Variants in NCALD observed in about 807,000 individuals in gnomAD.
The protein encoded by NCALD is neurocalcin delta, also known as neurocalcin-delta.
In NCALD, 10 loss-of-function variants were observed where a neutral mutation model predicts 18.6. The observed-to-expected ratio is 0.54, with a 90% CI of 0.33 to 0.91. The LOEUF (loss-of-function observed/expected upper bound fraction) is 0.91, where lower values mean the gene tolerates loss of function less well. NCALD is among the 40% of genes least tolerant of loss of function. NCALD has a pLI of 0.03. For missense variants in NCALD, 184 were observed against 247.6 expected, an observed-to-expected ratio of 0.74 and a Z score of 1.72; for synonymous variants, 88 against 87.4, an observed-to-expected ratio of 1.01 and a Z score of -0.04.
At chr8:101,890,049 C>T (rs1816817106) in intron 3 of NCALD, among the ~76,000 whole-genome samples, 1 of 152,046 alleles carries the variant, frequency 6.6e-6, no homozygotes, top group Non-Finnish European at 1.5e-5. Flanking sequence ...TTGCATTCAT[C>T]CAAAGGTACA....
chr8:101,978,557 C>A (rs75713602), intron 2 of NCALD, among the ~76,000 whole-genome samples: 4,360 of 152,232 alleles, frequency 0.029, 197 homozygotes, highest in African/African-American at 0.099. Context: ...CCCAGATCTG[C>A]CTGATTCTAC....
intron 1 of NCALD, among the ~76,000 whole-genome samples, chr8:102,093,548 G>A (rs184914607): frequency 1.7e-3 from 256 of 152,362 alleles, no homozygotes; most frequent in Non-Finnish European, 2.8e-3. Flanking sequence ...AGATCCTCAA[G>A]AGGATTGACT....
At chr8:102,045,802 A>G (rs1823218632) in intron 1 of NCALD, among the ~76,000 whole-genome samples, 1 of 152,214 alleles carries the variant, frequency 6.6e-6, no homozygotes, top group East Asian at 1.9e-4. Flanking sequence ...AATGTTGGTC[A>G]TGACCCACTA....
At chr8:102,034,791 G>A (rs1163277994) in intron 1 of NCALD, among the ~76,000 whole-genome samples, 1 of 152,168 alleles carries the variant, frequency 6.6e-6, no homozygotes, top group Non-Finnish European at 1.5e-5. Flanking sequence ...TGACACAACT[G>A]AAAGCAGGGA....
chr8:101,915,134 C>CA lies in NCALD; in HGVS notation c.-107+674dup, dbSNP rs984849396. On this transcript the variant is annotated intron_variant, in intron 3 of 6. Coordinates refer to the NCALD transcript ENST00000311028. ...TATGGTATTAGTCCCATTTTATGGA[C>CA]AAAAAAAACAAGAAACAGATATTTG... Among the ~76,000 whole-genome samples, 24 of 151,482 alleles carry CA rather than the reference C, an allele frequency of 1.6e-4. No homozygotes were observed. In the East Asian group the frequency reaches 1.9e-3, roughly 12 times the overall value.
At chr8:102,031,436 G>A (rs1822666273) in intron 1 of NCALD, among the ~76,000 whole-genome samples, 1 of 152,196 alleles carries the variant, frequency 6.6e-6, no homozygotes, top group African/African-American at 2.4e-5. Context: ...GGTTATGATG[G>A]AGATAGGTCA....
intron 1 of NCALD, among the ~76,000 whole-genome samples, chr8:102,081,704 T>A (rs1824544973): frequency 6.6e-6 from 1 of 152,212 alleles, no homozygotes; most frequent in African/African-American, 2.4e-5. Context: ...AGATGATTCC[T>A]CTTTCGTCAT....
At chr8:101,910,055 C>A (rs538469700) in intron 3 of NCALD, among the ~76,000 whole-genome samples, 2 of 152,188 alleles carry the variant, frequency 1.3e-5, no homozygotes, top group African/African-American at 4.8e-5. Context: ...TCTCTTAGAA[C>A]ATGATTGCCC....
chr8:102,106,613 G>A (rs12334349), intron 1 of NCALD, among the ~76,000 whole-genome samples: 12,295 of 152,066 alleles, frequency 0.081, 1,317 homozygotes, highest in African/African-American at 0.25. Flanking sequence ...TTCAGGGCTG[G>A]TTAATTTCAT....
chr8:102,049,992 C>T (rs1823378996), intron 1 of NCALD, among the ~76,000 whole-genome samples: 2 of 149,814 alleles, frequency 1.3e-5, no homozygotes, highest in Non-Finnish European at 3.0e-5. Flanking sequence ...GAAACCCCGT[C>T]TCTACTAAAA....
chr8:101,891,941 C>A (rs949133442), intron 3 of NCALD, among the ~76,000 whole-genome samples: 1 of 152,184 alleles, frequency 6.6e-6, no homozygotes, highest in African/African-American at 2.4e-5. Context: ...GGGGGAGGGG[C>A]GCCCGCAATT....
intron 2 of NCALD, among the ~76,000 whole-genome samples, chr8:101,980,614 C>T (rs1018890606): frequency 3.9e-5 from 6 of 152,126 alleles, no homozygotes; most frequent in African/African-American, 7.2e-5. Context: ...ATCCTTTTCA[C>T]GTATTTCAAG....
chr8:101,782,482 T>C (rs761860244), intron 1 of NCALD, among the ~76,000 whole-genome samples: 1 of 152,152 alleles, frequency 6.6e-6, no homozygotes, highest in East Asian at 1.9e-4. Flanking sequence ...ATCACTTCCC[T>C]GCTCCCAGCT....
chr8:101,721,945 A>C (rs1457140987), intron 1 of NCALD, among the ~76,000 whole-genome samples: 1 of 151,730 alleles, frequency 6.6e-6, no homozygotes, highest in African/African-American at 2.4e-5. Context: ...GAGTTTAAGC[A>C]ATCCTCCTGC....
chr8:101,989,131 A>G (rs1432609489), intron 2 of NCALD, among the ~76,000 whole-genome samples: 1 of 152,200 alleles, frequency 6.6e-6, no homozygotes, highest in Non-Finnish European at 1.5e-5. Flanking sequence ...ACCTCGTGGG[A>G]ACCTGGCTTT....
intron 2 of NCALD, among the ~76,000 whole-genome samples, chr8:101,712,587 C>CAAAAAAAAAAAAAAAAA (rs201729096): frequency 1.3e-3 from 102 of 78,832 alleles, no homozygotes; most frequent in Non-Finnish European, 1.6e-3. Flanking sequence ...AAATGGAAAG[C>CAAAAAAAAAAAAAAAAA]AAAAAAAAAA....
At chr8:101,717,744 A>C (rs1376167092) in intron 2 of NCALD, among the ~76,000 whole-genome samples, 1 of 152,198 alleles carries the variant, frequency 6.6e-6, no homozygotes, top group Non-Finnish European at 1.5e-5. Context: ...ACAAGGCTTG[A>C]GGAGTGTGGG....
At chr8:101,755,178 C>T (rs1188807197) in intron 1 of NCALD, among the ~76,000 whole-genome samples, 3 of 152,208 alleles carry the variant, frequency 2.0e-5, no homozygotes, top group South Asian at 2.1e-4. Flanking sequence ...CAGAATAATG[C>T]ACTGTTCACA....
At chr8:101,834,134 G>A (rs1397748098) in intron 4 of NCALD, among the ~76,000 whole-genome samples, 2 of 152,232 alleles carry the variant, frequency 1.3e-5, no homozygotes, top group African/African-American at 4.8e-5. Context: ...TGGCACAAAG[G>A]CTCACACATT....
Sources: gnomAD v4.1 joint callset for allele counts (sites outside exome capture counted in the v4.1 genomes callset) on GRCh38, gnomAD v4.1.1 for gene constraint, MANE v1.5 for transcripts, NCBI Gene and HGNC (gene_info 2026-07-23, HGNC 2026-07-21) for gene names.